The following TMEM74 variants were observed in gnomAD, a reference collection of about 807,000 sequenced individuals.
The protein encoded by TMEM74 is transmembrane protein 74.
Under a neutral mutation model 18.1 loss-of-function variants are expected in TMEM74, and 13 were observed. The observed-to-expected ratio is 0.72, with a 90% CI of 0.47 to 1.14. The LOEUF is 1.14. Ranked by LOEUF, TMEM74 falls within the 50% of genes most tolerant of loss-of-function variation. The pLI, the probability that TMEM74 is intolerant of heterozygous loss-of-function variation, is 0.00. For missense variants in TMEM74, 372 were observed against 375.9 expected (o/e 0.99, Z 0.09); for synonymous variants, 159 against 146.6 (o/e 1.08, Z -0.61).
At chr8:108,665,766 C>T (rs1283115613) in intron 1 of TMEM74, among the ~76,000 whole-genome samples, 1 of 152,012 alleles carries the variant, frequency 6.6e-6, no homozygotes, top group African/African-American at 2.4e-5. Flanking sequence ...GAATAGATAA[C>T]AGTACTATTT....
chr8:108,649,010 A>G (rs2935761), intron 2 of TMEM74, among the ~76,000 whole-genome samples: 27,510 of 152,120 alleles, frequency 0.18, 2,562 homozygotes, highest in East Asian at 0.27. Flanking sequence ...TAACTCTCCT[A>G]TGGACTTTTA....
chr8:108,725,530 T>C (rs1407885350), intron 1 of TMEM74, among the ~76,000 whole-genome samples: 1 of 152,172 alleles, frequency 6.6e-6, no homozygotes, highest in Non-Finnish European at 1.5e-5. Flanking sequence ...TCAGCTATGT[T>C]CTCTTAAATG....
At chr8:108,660,968 T>C (rs1270204583) in intron 1 of TMEM74, among the ~76,000 whole-genome samples, 1 of 152,136 alleles carries the variant, frequency 6.6e-6, no homozygotes, top group Non-Finnish European at 1.5e-5. Context: ...TTAGGATCCA[T>C]CCATGTGATG....
intron 2 of TMEM74, among the ~76,000 whole-genome samples, chr8:108,635,413 A>C (rs1292397298): frequency 6.6e-6 from 1 of 151,972 alleles, no homozygotes; most frequent in Admixed American, 6.6e-5. Context: ...TTCTCAAGGC[A>C]ATGTTTTCCT....
chr8:108,626,359 T>C (rs115896735), intron 2 of TMEM74, among the ~76,000 whole-genome samples: 75 of 152,184 alleles, frequency 4.9e-4, no homozygotes, highest in African/African-American at 1.8e-3. Flanking sequence ...TTAATTTCAT[T>C]AGATTTAATA....
intron 1 of TMEM74, among the ~76,000 whole-genome samples, chr8:108,730,629 A>G (rs534060750): frequency 7.1e-6 from 1 of 141,476 alleles, no homozygotes; most frequent in South Asian, 2.1e-4. Flanking sequence ...ATGTATGCAG[A>G]CTTCCTTTTT....
chr8:108,690,385 G>GT (rs36109216), intron 1 of TMEM74, among the ~76,000 whole-genome samples: 2 of 149,318 alleles, frequency 1.3e-5, no homozygotes, highest in African/African-American at 2.5e-5. Context: ...GTTTTTTTTT[G>GT]TTTGTTTTTT....
intron 2 of TMEM74, among the ~76,000 whole-genome samples, chr8:108,620,096 C>A (rs1396887206): frequency 6.6e-6 from 1 of 152,122 alleles, no homozygotes; most frequent in African/African-American, 2.4e-5. Flanking sequence ...ATTGGTACAG[C>A]TATCACTGTT....
intron 1 of TMEM74, among the ~76,000 whole-genome samples, chr8:108,786,277 C>T (rs1446374958): frequency 4.6e-5 from 7 of 152,202 alleles, no homozygotes; most frequent in African/African-American, 1.4e-4. Flanking sequence ...AGAAAACCAT[C>T]GGCTTTTCTC....
rs773020715 is a variant in TMEM74 at position 108,785,022 on chromosome 8, A to G, written c.77T>C (p.Leu26Pro). 2 of 1,614,138 alleles carry G rather than the reference A, an allele frequency of 1.2e-6. No individual in the cohort carries two copies. Among genetic ancestry groups the G allele is most frequent in the Non-Finnish European group, 1.7e-6 (2 of 1,180,020 alleles). Residue 26 changes from leucine (L) to proline (P), a missense_variant, in exon 2 of 2, where the codon CTG (leucine) becomes CCG (proline). By Grantham distance (98) the Leu-to-Pro change is moderately conservative. Transcript: ENST00000297459. ...TGCTGTATCTGCCTGGTCACCAGGCAGCCCTCTTGAACTCCAGTCCCTGGC... is the reference window on the plus strand; with the variant it reads ...TGCTGTATCTGCCTGGTCACCAGGCGGCCCTCTTGAACTCCAGTCCCTGGC... The part of the protein sequence containing the change: ...CDARDWSSRG[L>P]PGDQADTAAT...
At chr8:108,725,946 A>T (rs1238926370) in intron 1 of TMEM74, among the ~76,000 whole-genome samples, 4 of 152,188 alleles carry the variant, frequency 2.6e-5, no homozygotes, top group Non-Finnish European at 5.9e-5. Flanking sequence ...ATTGTTGGAT[A>T]TTTATGAAGG....
At chr8:108,686,111 T>G (rs1813164755) in intron 1 of TMEM74, among the ~76,000 whole-genome samples, 1 of 152,176 alleles carries the variant, frequency 6.6e-6, no homozygotes, top group Non-Finnish European at 1.5e-5. Context: ...TTAAAATTCT[T>G]TTGAACAAAA....
intron 1 of TMEM74, among the ~76,000 whole-genome samples, chr8:108,714,468 GA>G (rs1204961579): frequency 2.0e-5 from 3 of 152,138 alleles, no homozygotes; most frequent in African/African-American, 7.2e-5. Context: ...TAAGAATAAA[GA>G]AAAAATTCTT....
intron 2 of TMEM74, among the ~76,000 whole-genome samples, chr8:108,648,595 G>A (rs1458150638): frequency 6.6e-6 from 1 of 152,126 alleles, no homozygotes; most frequent in Non-Finnish European, 1.5e-5. Context: ...GGAGACAGGA[G>A]ACTCAGAGTC....
intron 2 of TMEM74, among the ~76,000 whole-genome samples, chr8:108,609,176 G>A (rs530317893): frequency 1.3e-5 from 2 of 152,180 alleles, no homozygotes; most frequent in South Asian, 2.1e-4. Flanking sequence ...CAAGGCTGAA[G>A]TTTCTCTATA....
intron 2 of TMEM74, among the ~76,000 whole-genome samples, chr8:108,648,607 G>A (rs550849415): frequency 1.1e-4 from 17 of 152,266 alleles, no homozygotes; most frequent in African/African-American, 4.1e-4. Context: ...CTCAGAGTCA[G>A]AGAAGATGGG....
chr8:108,656,194 G>T (rs989327341), intron 1 of TMEM74, among the ~76,000 whole-genome samples: 1 of 152,146 alleles, frequency 6.6e-6, no homozygotes, highest in Non-Finnish European at 1.5e-5. Context: ...TTCTCCCCTT[G>T]GTCTTTGGGA....
Position 108,730,537 on chromosome 8 carries a change from G to A in TMEM74, n.119+56939C>T, listed in dbSNP as rs1419773150. 4.0e-5 allele frequency among the ~76,000 whole-genome samples: 6 copies of A among 151,874 alleles called. No individual in the cohort carries two copies. In the East Asian group the frequency reaches 9.7e-4, roughly 24 times the overall value. ...TGTTCAGATAAAGTTCTTTTATATGGTTAATTAAATTACTCATTTATATAT... is the reference window on the plus strand; with the variant it reads ...TGTTCAGATAAAGTTCTTTTATATGATTAATTAAATTACTCATTTATATAT... On this transcript the variant is annotated intron_variant and non_coding_transcript_variant, in intron 1 of 3. Coordinates refer to the TMEM74 transcript ENST00000518838.
intron 2 of TMEM74, among the ~76,000 whole-genome samples, chr8:108,631,929 A>G (rs1445699847): frequency 6.6e-6 from 1 of 151,972 alleles, no homozygotes; most frequent in Non-Finnish European, 1.5e-5. Context: ...TTTTATCAGA[A>G]ATTTATTGAG....
Sources: allele counts gnomAD v4.1 joint callset (sites outside exome capture counted in the v4.1 genomes callset), GRCh38; gene constraint gnomAD v4.1.1; transcripts MANE v1.5; gene names NCBI Gene and HGNC (gene_info 2026-07-23, HGNC 2026-07-21).